Variants in ATRN observed in about 807,000 individuals in gnomAD.
ATRN encodes attractin.
ATRN carries 54 observed loss-of-function variants against 178.7 expected under a neutral mutation model. That is an observed-to-expected ratio of 0.30 (90% CI 0.24 to 0.38). ATRN has a LOEUF of 0.38. ATRN is among the 10% of genes least tolerant of loss of function. ATRN has a pLI of 1.00. For missense variants in ATRN, 1,443 were observed against 1,815.1 expected, an observed-to-expected ratio of 0.79 and a Z score of 3.73; for synonymous variants, 636 against 663.0, an observed-to-expected ratio of 0.96 and a Z score of 0.63.
chr20:3,496,612 G>A (rs947446477), intron 1 of ATRN, among the ~76,000 whole-genome samples: 3 of 152,082 alleles, frequency 2.0e-5, no homozygotes, highest in Non-Finnish European at 4.4e-5. Context: ...TGTGGTGCTG[G>A]AAAAAAATGT....
intron 1 of ATRN, chr20:3,490,868 A>G: frequency 2.3e-6 from 2 of 884,256 alleles, no homozygotes; most frequent in Non-Finnish European, 3.9e-6. Flanking sequence ...TGACCTCCAT[A>G]TACCTATCTT....
intron 24 of ATRN, among the ~76,000 whole-genome samples, chr20:3,610,455 C>G (rs917153830): frequency 2.0e-5 from 3 of 151,922 alleles, no homozygotes; most frequent in African/African-American, 7.3e-5. Context: ...GAGACAGGGT[C>G]TCACTATGAT....
intron 18 of ATRN, among the ~76,000 whole-genome samples, chr20:3,590,662 T>C (rs1413580492): frequency 6.6e-6 from 1 of 152,208 alleles, no homozygotes; most frequent in Non-Finnish European, 1.5e-5. Context: ...TTAAGATTCA[T>C]CAAAATCATT....
intron 27 of ATRN, among the ~76,000 whole-genome samples, chr20:3,640,495 A>G (rs760651794): frequency 6.6e-6 from 1 of 152,222 alleles, no homozygotes; most frequent in Non-Finnish European, 1.5e-5. Flanking sequence ...GAAGCAAAAC[A>G]TATTGTAAGC....
intron 1 of ATRN, among the ~76,000 whole-genome samples, chr20:3,471,789 G>A (rs2084429681): frequency 6.6e-6 from 1 of 152,204 alleles, no homozygotes; most frequent in African/African-American, 2.4e-5. Context: ...GAATGCTGAG[G>A]GACCCAAAGA....
At chr20:3,642,207 G>C (rs770909399) in intron 27 of ATRN, among the ~76,000 whole-genome samples, 2 of 152,170 alleles carry the variant, frequency 1.3e-5, no homozygotes, top group Non-Finnish European at 2.9e-5. Flanking sequence ...CTTCTTCAGT[G>C]ATCTTCACTA....
intron 18 of ATRN, among the ~76,000 whole-genome samples, chr20:3,587,718 C>T (rs1244660538): frequency 1.3e-5 from 2 of 152,122 alleles, no homozygotes; most frequent in Non-Finnish European, 1.5e-5. Context: ...GGGTTTCTTG[C>T]ATGTTCATAT....
At chr20:3,574,876 C>T (rs1308617639) in intron 12 of ATRN, among the ~76,000 whole-genome samples, 1 of 151,996 alleles carries the variant, frequency 6.6e-6, no homozygotes, top group African/African-American at 2.4e-5. Context: ...AGAGCGGCAC[C>T]TGCCTTTTCC....
At chr20:3,609,163 G>A (rs1351803668) in intron 24 of ATRN, among the ~76,000 whole-genome samples, 1 of 152,014 alleles carries the variant, frequency 6.6e-6, no homozygotes, top group Non-Finnish European at 1.5e-5. Context: ...CAAATGTGGT[G>A]TCTCTTTCAA....
chr20:3,512,569 C>T lies in ATRN; in HGVS notation c.411-22684C>T, dbSNP rs148514916. Among the ~76,000 whole-genome samples, 1,496 of 152,196 alleles carry T rather than the reference C, an allele frequency of 9.8e-3. 12 individuals carry two copies. The highest frequency in any genetic ancestry group is 0.014 in the Non-Finnish European group (961 of 68,010). ...TGTGAGTAGTGCCTCAATAAACATACGTGTGCATGTGTCTTTGTAGCAGCA... is the reference window on the plus strand; with the variant it reads ...TGTGAGTAGTGCCTCAATAAACATATGTGTGCATGTGTCTTTGTAGCAGCA... On this transcript the variant is annotated intron_variant, in intron 1 of 28. Coordinates refer to ENST00000262919, the MANE Select transcript of ATRN (RefSeq NM_139321.3).
rs118185208 is a variant in ATRN at position 3,589,790 on chromosome 20, C to T, written c.3185-1379C>T. On this transcript the variant is annotated intron_variant, in intron 18 of 28. Coordinates refer to ENST00000262919, the MANE Select transcript of ATRN (RefSeq NM_139321.3). ...ACTTCGACTGTTGTTGACTGGTGTG[C>T]GCATCTCCCTCATTGGAAGAAGGAA... Among the ~76,000 whole-genome samples the T allele has an allele frequency of 3.6e-3, 548 of 152,242 alleles. 11 individuals are homozygous for T. Among genetic ancestry groups the T allele is most frequent in the Middle Eastern group, 0.01 (3 of 294 alleles).
chr20:3,512,087 A>G lies in ATRN; in HGVS notation c.411-23166A>G, dbSNP rs1312153487. Among the ~76,000 whole-genome samples, 5 of 111,292 alleles carry G rather than the reference A, an allele frequency of 4.5e-5. No individual in the cohort carries two copies. The East Asian group carries it at 1.1e-3, about 26-fold the overall frequency. 73.0% of individuals were successfully genotyped at this position (111,292 alleles called of 152,430 possible). On this transcript the variant is annotated intron_variant, in intron 1 of 28. Transcript: ENST00000262919. ...TGGGTTATGTGTTCTTTTTTCTTTT[A>G]TATATATATATATATATATATTTTT...
At chr20:3,605,907 A>G (rs2086670698) in intron 24 of ATRN, among the ~76,000 whole-genome samples, 1 of 152,088 alleles carries the variant, frequency 6.6e-6, no homozygotes, top group Non-Finnish European at 1.5e-5. Context: ...GAACTTAAAA[A>G]TTAACAATAA....
intron 6 of ATRN, among the ~76,000 whole-genome samples, chr20:3,557,546 A>G (rs1352882136): frequency 1.3e-5 from 2 of 152,210 alleles, no homozygotes; most frequent in Admixed American, 6.5e-5. Context: ...ACAAAACAAA[A>G]CAAAAACCCT....
chr20:3,535,588 TACACAC>T (rs11468707), intron 2 of ATRN, among the ~76,000 whole-genome samples: 3,716 of 143,172 alleles, frequency 0.026, 87 homozygotes, highest in East Asian at 0.13. Flanking sequence ...CAGAAACGGT[TACACAC>T]ACACACACAC....
chr20:3,560,032 A>T (rs944986063), intron 7 of ATRN, among the ~76,000 whole-genome samples: 8 of 152,028 alleles, frequency 5.3e-5, no homozygotes, highest in Non-Finnish European at 1.2e-4. Flanking sequence ...AATTTTTTTT[A>T]ATTTATTTTT....
intron 24 of ATRN, among the ~76,000 whole-genome samples, chr20:3,619,791 T>C (rs367801731): frequency 3.3e-5 from 5 of 152,158 alleles, no homozygotes; most frequent in South Asian, 2.1e-4. Context: ...AGCTCAGAGG[T>C]TGGGGAAGGT....
chr20:3,571,423 C>T (rs1779586919), intron 11 of ATRN, among the ~76,000 whole-genome samples: 1 of 152,128 alleles, frequency 6.6e-6, no homozygotes, highest in Admixed American at 6.6e-5. Flanking sequence ...ATTTCAGGTT[C>T]AAAAAGTAAA....
At chr20:3,607,706 A>G (rs1232163967) in intron 24 of ATRN, among the ~76,000 whole-genome samples, 3 of 152,174 alleles carry the variant, frequency 2.0e-5, no homozygotes, top group African/African-American at 4.8e-5. Flanking sequence ...GTATCTCTCC[A>G]GTATACTGAT....
Sources: gnomAD v4.1 joint callset for allele counts (sites outside exome capture counted in the v4.1 genomes callset) on GRCh38, gnomAD v4.1.1 for gene constraint, MANE v1.5 for transcripts, NCBI Gene and HGNC (gene_info 2026-07-23, HGNC 2026-07-21) for gene names.